NUDC: variants seen among roughly 807,000 people sequenced by gnomAD.
The protein encoded by NUDC is nuclear migration protein nudC.
NUDC carries 14 observed loss-of-function variants against 45.0 expected under a neutral mutation model. The ratio of observed to expected loss-of-function variants is 0.31; its 90% CI spans 0.21 to 0.49. NUDC has a LOEUF of 0.49. Among genes scored for constraint, NUDC ranks in the 20% least tolerant of loss-of-function variants. The probability of loss-of-function intolerance (pLI) is 0.99; values close to 1 mark genes in which losing one functional copy is unlikely to be tolerated. For synonymous variants in NUDC, 153 were observed against 156.7 expected (o/e 0.98, Z 0.17); for missense variants, 323 against 426.2 (o/e 0.76, Z 2.13).
At chr1:26,908,504 C>T (rs1332131982) in intron 2 of NUDC, among the ~76,000 whole-genome samples, 4 of 152,188 alleles carry the variant, frequency 2.6e-5, no homozygotes, top group African/African-American at 9.7e-5. Context: ...GCTCCCCAAC[C>T]ATGTGGATTG....
intron 2 of NUDC, among the ~76,000 whole-genome samples, chr1:26,930,095 C>T (rs2082168355): frequency 6.6e-6 from 1 of 152,134 alleles, no homozygotes; most frequent in Non-Finnish European, 1.5e-5. Context: ...GAAAAGCATA[C>T]CAATTCTTTA....
At chr1:26,922,236 C>T in intron 1 of NUDC, 1 of 487,794 alleles carries the variant, frequency 2.1e-6, no homozygotes, top group Non-Finnish European at 3.7e-6. Context: ...CAAGGAGCAT[C>T]CCTTAGTAAG....
chr1:26,920,769 C>G (rs1014962900), upstream of NUDC, among the ~76,000 whole-genome samples: 1 of 137,546 alleles, frequency 7.3e-6, no homozygotes, highest in Non-Finnish European at 1.6e-5. Flanking sequence ...AAACAAAAAA[C>G]AAAAAACAAA....
At chr1:26,930,015 A>C (rs1437144191) in intron 2 of NUDC, among the ~76,000 whole-genome samples, 1 of 152,136 alleles carries the variant, frequency 6.6e-6, no homozygotes, top group African/African-American at 2.4e-5. Flanking sequence ...CAAGAGTGAA[A>C]CTCCGTCTCA....
intron 3 of NUDC, chr1:26,911,897 A>G (rs143756034): frequency 1.3e-5 from 21 of 1,614,006 alleles, no homozygotes; most frequent in East Asian, 4.5e-5. Flanking sequence ...AACATCTCCA[A>G]TGATAGGGCG....
In NUDC at chr1:26,946,118, C is replaced by T; in HGVS notation, c.945-12C>T. On this transcript the variant is annotated splice_polypyrimidine_tract_variant and intron_variant, in intron 8 of 8. Transcript: ENST00000321265. ...AAGGATGAGCTGTTTCATCTTGCTT[C>T]CGTTTCTCCAGGTTCATGGATCAAC... 1 of 1,613,520 alleles carries T rather than the reference C, an allele frequency of 6.2e-7. No individual in the cohort carries two copies. Among genetic ancestry groups the T allele is most frequent in the Non-Finnish European group, 8.5e-7 (1 of 1,179,454 alleles).
intron 2 of NUDC, among the ~76,000 whole-genome samples, chr1:26,935,306 TA>T (rs2082220075): frequency 6.6e-6 from 1 of 152,150 alleles, no homozygotes; most frequent in Non-Finnish European, 1.5e-5. Context: ...CTTTATAAAT[TA>T]CCCAGTCTAG....
intron 3 of NUDC, chr1:26,911,454 C>T (rs1332481570): frequency 2.9e-6 from 1 of 343,818 alleles, no homozygotes; most frequent in Admixed American, 4.0e-5. Flanking sequence ...GAGACAGTCC[C>T]TTCCATATGC....
chr1:26,941,085 CTTTTTTTTTTTT>C (rs772114445), intron 2 of NUDC, among the ~76,000 whole-genome samples: 7 of 91,378 alleles, frequency 7.7e-5, no homozygotes, highest in Admixed American at 1.4e-4. Flanking sequence ...CCATGCCCAG[CTTTTTTTTTTTT>C]TTTTTTTTTT....
At chr1:26,905,974 C>A (rs2082001084) in intron 2 of NUDC, among the ~76,000 whole-genome samples, 1 of 152,036 alleles carries the variant, frequency 6.6e-6, no homozygotes, top group South Asian at 2.1e-4. Flanking sequence ...TGGTGAAACC[C>A]CGCCTTTACT....
intron 2 of NUDC, among the ~76,000 whole-genome samples, chr1:26,908,970 T>C (rs2082013838): frequency 6.6e-6 from 1 of 151,466 alleles, no homozygotes; most frequent in South Asian, 2.1e-4. Flanking sequence ...GTGATCCGCC[T>C]GGCCTTATTT....
At chr1:26,906,289 G>A (rs947399524) in intron 2 of NUDC, among the ~76,000 whole-genome samples, 2 of 148,986 alleles carry the variant, frequency 1.3e-5, no homozygotes, top group South Asian at 2.1e-4. Flanking sequence ...AAAAAAAAAC[G>A]AAAAAATACA....
chr1:26,916,984 T>C (rs953880843), upstream of NUDC, among the ~76,000 whole-genome samples: 2 of 151,642 alleles, frequency 1.3e-5, no homozygotes, highest in Admixed American at 1.3e-4. Flanking sequence ...AAATCAGGCG[T>C]GGTGGCTCAC....
chr1:26,922,187 A>G (rs757023347), intron 1 of NUDC: 59 of 561,634 alleles, frequency 1.1e-4, no homozygotes, highest in Admixed American at 4.9e-4. Flanking sequence ...TTAGTTTCAC[A>G]TATGCCCCCA....
At chr1:26,900,414 T>A in intron 1 of NUDC, 1 of 1,610,880 alleles carries the variant, frequency 6.2e-7, no homozygotes, top group Non-Finnish European at 8.5e-7. Context: ...AACTGTCGCC[T>A]CCTCCTCCGC....
intron 3 of NUDC, chr1:26,913,961 T>C (rs1346403502): frequency 3.5e-6 from 5 of 1,443,802 alleles, no homozygotes; most frequent in South Asian, 1.8e-5. Flanking sequence ...CTGCTCTCAC[T>C]TCCAGCTCTC....
At chr1:26,917,865 G>A (rs1467423211), upstream of NUDC, among the ~76,000 whole-genome samples, 4 of 150,112 alleles carry the variant, frequency 2.7e-5, no homozygotes, top group South Asian at 2.1e-4. Context: ...CAGCCTAGGC[G>A]ACAAGAGTGA....
chr1:26,915,042 T>C lies in NUDC; in HGVS notation c.93+3807T>C, dbSNP rs538029686. 1.0e-3 allele frequency among the ~76,000 whole-genome samples: 145 copies of C among 143,818 alleles called. 1 individual carries two copies. In the East Asian group the frequency reaches 0.017, roughly 17 times the overall value. 94.4% of individuals were successfully genotyped at this position (143,818 alleles called of 152,430 possible). On this transcript the variant is annotated intron_variant, in intron 3 of 6. Coordinates refer to the NUDC transcript ENST00000435827. ...TTATATGTATATGTGTATATATATATACACATACATACATACATATATATA... is the reference window on the plus strand; with the variant it reads ...TTATATGTATATGTGTATATATATACACACATACATACATACATATATATA...
At chr1:26,905,041 T>TG (rs2081996737) in intron 2 of NUDC, among the ~76,000 whole-genome samples, 1 of 151,400 alleles carries the variant, frequency 6.6e-6, no homozygotes, top group African/African-American at 2.4e-5. Flanking sequence ...TTCACCATGT[T>TG]GGCCAGGCTG....
Sources: allele counts gnomAD v4.1 joint callset (sites outside exome capture counted in the v4.1 genomes callset), GRCh38; gene constraint gnomAD v4.1.1; transcripts MANE v1.5; gene names NCBI Gene and HGNC (gene_info 2026-07-23, HGNC 2026-07-21).